Variants in HECTD4 observed in about 807,000 individuals in gnomAD.
HECTD4 encodes HECT domain E3 ubiquitin protein ligase 4.
HECTD4 carries 114 observed loss-of-function variants against 471.5 expected under a neutral mutation model. The observed-to-expected ratio is 0.24, with a 90% CI of 0.21 to 0.28. The LOEUF (loss-of-function observed/expected upper bound fraction) is 0.28, where lower values mean the gene tolerates loss of function less well. HECTD4 is among the 10% of genes least tolerant of loss of function. The pLI is 1.00. For synonymous variants in HECTD4, 2,012 were observed against 2,256.0 expected (o/e 0.89, Z 3.07); for missense variants, 3,866 against 5,651.5 (o/e 0.68, Z 10.13).
Position 112,306,080 on chromosome 12 carries a change from T to C in HECTD4, c.1319A>G (p.Asp440Gly). The C allele has an allele frequency of 1.2e-6, 2 of 1,600,130 alleles. No homozygotes were observed. Among genetic ancestry groups the C allele is most frequent in the Middle Eastern group, 1.7e-4 (1 of 6,008 alleles). ...KTPKGHSVFMDIFELVVENGV... is the reference protein window; with the variant it reads ...KTPKGHSVFMGIFELVVENGV... Reference sequence around the variant, plus strand: ...CAAACTTACCACAAGTTCAAAAATGTCCATGAAGACAGAATGTCCCTTCGG... The same window carrying C: ...CAAACTTACCACAAGTTCAAAAATGCCCATGAAGACAGAATGTCCCTTCGG... The change falls in exon 7 of 76, where the codon GAC becomes GGC. Residue 440 changes from aspartate (D) to glycine (G), a missense_variant. Asp to Gly is a moderately conservative substitution (Grantham distance 94). Around this residue, in one of 16 missense-constraint regions of HECTD4, gnomAD observed 440 missense variants for 636.0 expected, o/e 0.69. Transcript: ENST00000682272.
At chr12:112,349,860 G>C (rs1021244384) in intron 1 of HECTD4, among the ~76,000 whole-genome samples, 1 of 152,126 alleles carries the variant, frequency 6.6e-6, no homozygotes, top group East Asian at 1.9e-4. Context: ...TTCTAGAAAA[G>C]AAATAAAACA....
chr12:112,256,556 C>T, intron 20 of HECTD4, 38 bp from the exon 21 acceptor site: 1 of 1,396,766 alleles, frequency 7.2e-7, no homozygotes, highest in Non-Finnish European at 9.5e-7. Flanking sequence ...GCTTAGCAGC[C>T]AAGGAAAGGA....
chr12:112,277,787 A>G (rs2034556805), intron 9 of HECTD4, among the ~76,000 whole-genome samples: 1 of 152,184 alleles, frequency 6.6e-6, no homozygotes, highest in African/African-American at 2.4e-5. Flanking sequence ...AAATGATTCT[A>G]TATTTATATA....
At chr12:112,203,584 C>A in intron 54 of HECTD4, 52 bp downstream of exon 54, 1 of 1,475,014 alleles carries the variant, frequency 6.8e-7, no homozygotes, top group Non-Finnish European at 9.3e-7. Context: ...CTGGGTATGA[C>A]AGCCTCAGTA....
intron 14 of HECTD4, among the ~76,000 whole-genome samples, chr12:112,266,480 C>G (rs949161840): frequency 6.6e-6 from 1 of 152,128 alleles, no homozygotes; most frequent in African/African-American, 2.4e-5. Flanking sequence ...TATGCAGATA[C>G]ATTCTTTCTT....
chr12:112,219,390 C>T lies in HECTD4; in HGVS notation c.7070G>A (p.Arg2357Lys). ...GAAGCACCGCAGAGGGCTCACCTGT[C>T]TTCGGTCAGCCTGCAAAGGAGGTGG... Reference protein sequence around the residue: ...PPPPPLQADRRQPKEITWSPS... With the variant: ...PPPPPLQADRKQPKEITWSPS... Residue 2357 changes from arginine to lysine, a missense_variant, in exon 45 of 76, where the codon AGA becomes AAA. This residue lies in a region of HECTD4 where 617 missense variants were observed against 915.1 expected (regional missense o/e 0.67). Transcript: ENST00000682272. The T allele has an allele frequency of 1.3e-5, 21 of 1,613,018 alleles. No homozygotes were observed. Among genetic ancestry groups the T allele is most frequent in the Non-Finnish European group, 1.7e-5 (20 of 1,179,240 alleles).
At chr12:112,371,740 G>A (rs954318719) in intron 1 of HECTD4, among the ~76,000 whole-genome samples, 2 of 151,858 alleles carry the variant, frequency 1.3e-5, no homozygotes, top group African/African-American at 4.8e-5. Flanking sequence ...TACAAAATGA[G>A]CTGGGCGTGG....
chr12:112,290,867 A>AAAAAAAAAAAAAAAAAAAAAAC (rs1566100751), intron 7 of HECTD4, among the ~76,000 whole-genome samples: 1 of 147,282 alleles, frequency 6.8e-6, no homozygotes, highest in East Asian at 2.0e-4. Flanking sequence ...ACAAAACAAA[A>AAAAAAAAAAAAAAAAAAAAAAC]AAAAAAAACA....
rs1555246211 is a variant in HECTD4, at chr12:112,161,257, T to TGCAGTGGG, written c.*1122_*1129dup. The TGCAGTGGG allele has an allele frequency of 6.6e-6, 1 of 151,642 alleles. No individual in the cohort carries two copies. The highest frequency in any genetic ancestry group is 2.0e-4 in the East Asian group (1 of 5,080). 9.4% of individuals were successfully genotyped at this position (151,642 alleles called of 1,614,324 possible). A position where few individuals can be genotyped will look rare whatever the true frequency, so the allele number is the denominator to read the frequency against. On this transcript the variant is annotated 3_prime_UTR_variant, in exon 76 of 76. Transcript: ENST00000682272. ...GACAAAGACCTATTTGGGGCAAAGA[T>TGCAGTGGG]GCAGTGGGTGAGCCTGGAGGCAGCT...
intron 52 of HECTD4, among the ~76,000 whole-genome samples, 193 bp downstream of exon 52, chr12:112,207,681 A>G (rs1256206578): frequency 6.6e-6 from 1 of 152,194 alleles, no homozygotes. Context: ...CAAAATATTC[A>G]GCTAAATTGA....
At chr12:112,206,338 T>TA (rs1220850903) in intron 52 of HECTD4, among the ~76,000 whole-genome samples, 1 of 151,762 alleles carries the variant, frequency 6.6e-6, no homozygotes, top group Non-Finnish European at 1.5e-5. Flanking sequence ...CTACAAAAAA[T>TA]AAAAAAATTA....
intron 17 of HECTD4, 110 bp from the exon 18 acceptor site, chr12:112,261,539 G>A (rs1217798693): frequency 8.7e-7 from 1 of 1,145,458 alleles, no homozygotes; most frequent in African/African-American, 1.5e-5. Context: ...GAAATAATGA[G>A]GTGGACAGAA....
At chr12:112,284,171 C>T (rs1288496311) in intron 7 of HECTD4, among the ~76,000 whole-genome samples, 1 of 152,200 alleles carries the variant, frequency 6.6e-6, no homozygotes. Flanking sequence ...AAGTCCTGTG[C>T]TCCCCTCTGC....
At chr12:112,202,232 G>C (rs2032450453) in intron 54 of HECTD4, among the ~76,000 whole-genome samples, 2 of 150,612 alleles carry the variant, frequency 1.3e-5, no homozygotes, top group African/African-American at 4.9e-5. Context: ...TTGAGACAGT[G>C]TCTTGCTCTG....
chr12:112,210,689 A>G (rs2032737228), intron 49 of HECTD4, among the ~76,000 whole-genome samples: 1 of 152,220 alleles, frequency 6.6e-6, no homozygotes, highest in Non-Finnish European at 1.5e-5. Flanking sequence ...TGTGCCTGCC[A>G]CTTGCTTCTA....
chr12:112,171,286 G>A, intron 67 of HECTD4, 23 bp from the exon 68 acceptor site: 1 of 1,585,972 alleles, frequency 6.3e-7, no homozygotes, highest in Non-Finnish European at 8.6e-7. Context: ...GAGCAGTCAG[G>A]CTGAGATCTC....
intron 7 of HECTD4, among the ~76,000 whole-genome samples, chr12:112,295,808 A>AT (rs1555256044): frequency 1.8e-4 from 25 of 140,594 alleles, no homozygotes; most frequent in African/African-American, 7.2e-4. Context: ...AATTAAAAAA[A>AT]AAATATATAT....
intron 1 of HECTD4, among the ~76,000 whole-genome samples, chr12:112,344,667 C>G (rs2135729874): frequency 1.3e-5 from 2 of 152,268 alleles, no homozygotes; most frequent in South Asian, 4.1e-4. Context: ...ACCTGTAATC[C>G]CAGCACTTTG....
intron 1 of HECTD4, among the ~76,000 whole-genome samples, chr12:112,339,637 TAG>T (rs546705803): frequency 1.3e-5 from 2 of 152,004 alleles, no homozygotes; most frequent in Non-Finnish European, 2.9e-5. Context: ...ACTCAAAAGA[TAG>T]AGATACACAA....
Sources: gnomAD v4.1 joint callset for allele counts (sites outside exome capture counted in the v4.1 genomes callset) on GRCh38, gnomAD v4.1.1 for gene constraint, gnomAD v4.1.1 regional missense constraint, MANE v1.5 for transcripts, NCBI Gene and HGNC (gene_info 2026-07-23, HGNC 2026-07-21) for gene names.